Variants in SEPTIN7 observed in about 807,000 individuals in gnomAD.
The protein encoded by SEPTIN7 is septin 7.
SEPTIN7 carries 10 observed loss-of-function variants against 63.3 expected under a neutral mutation model. The ratio of observed to expected loss-of-function variants is 0.16; its 90% confidence interval spans 0.10 to 0.27. The LOEUF is 0.27. SEPTIN7 is among the 10% of genes least tolerant of loss of function. The pLI is 1.00. For synonymous variants in SEPTIN7, 131 were observed against 165.3 expected (o/e 0.79, Z 1.59); for missense variants, 310 against 521.0 (o/e 0.59, Z 3.94).
chr7:35,855,988 TG>T (rs1286432095), intron 3 of SEPTIN7, among the ~76,000 whole-genome samples: 3 of 152,254 alleles, frequency 2.0e-5, no homozygotes, highest in Non-Finnish European at 4.4e-5. Context: ...TTTAACATTT[TG>T]TTATTTATAT....
At chr7:35,845,975 TATAAC>T (rs1784645823) in intron 3 of SEPTIN7, among the ~76,000 whole-genome samples, 1 of 152,000 alleles carries the variant, frequency 6.6e-6, no homozygotes, top group Admixed American at 6.6e-5. Flanking sequence ...TTTTTTTTGA[TATAAC>T]AGATATTCAG....
chr7:35,802,227 T>C (rs1788040768), intron 1 of SEPTIN7: 2 of 337,758 alleles, frequency 5.9e-6, no homozygotes, highest in South Asian at 2.5e-5. Context: ...AACAGGCCAT[T>C]TCATTTACAT....
At chr7:35,876,175 T>A in intron 6 of SEPTIN7, among the ~76,000 whole-genome samples, 1 of 152,336 alleles carries the variant, frequency 6.6e-6, no homozygotes, top group South Asian at 2.1e-4. Context: ...AATTTCCTTG[T>A]TATGTTTATT....
intron 1 of SEPTIN7, among the ~76,000 whole-genome samples, chr7:35,806,208 T>C (rs1008487132): frequency 3.3e-5 from 5 of 152,230 alleles, no homozygotes; most frequent in Non-Finnish European, 2.9e-5. Flanking sequence ...TCCTTAACTG[T>C]CTTACTTTTT....
chr7:35,899,799 ACTTGAGCCTGG>A (rs1788200114), intron 12 of SEPTIN7: 1 of 152,228 alleles, frequency 6.6e-6, no homozygotes, highest in Admixed American at 6.6e-5. Context: ...CAGGAAGATT[ACTTGAGCCTGG>A]GAGATAGAGG....
At chr7:35,805,075 T>C (rs1788246507) in intron 1 of SEPTIN7, among the ~76,000 whole-genome samples, 1 of 152,106 alleles carries the variant, frequency 6.6e-6, no homozygotes, top group Non-Finnish European at 1.5e-5. Context: ...AGAGACGGGG[T>C]TTCACCATGT....
intron 1 of SEPTIN7, among the ~76,000 whole-genome samples, chr7:35,829,915 C>T (rs917108587): frequency 6.6e-6 from 1 of 151,866 alleles, no homozygotes; most frequent in African/African-American, 2.4e-5. Flanking sequence ...TGGCTGGGCT[C>T]GGTGGCTTAC....
chr7:35,870,166 TAC>T (rs1317221786), intron 4 of SEPTIN7, among the ~76,000 whole-genome samples: 4 of 152,214 alleles, frequency 2.6e-5, no homozygotes, highest in Non-Finnish European at 5.9e-5. Flanking sequence ...CGTGTATGGA[TAC>T]ACAGAATTTT....
At position 35,801,198 on chromosome 7, in the gene SEPTIN7, G is replaced by T. The variant is rs747287253; in HGVS notation, c.-12G>T. On this transcript the variant is annotated 5_prime_UTR_variant, in exon 1 of 14. In the 5' UTR this introduces an upstream ATG that the reference lacks. Transcript: ENST00000350320. ...GCGCTCCGCTGGGGCTGGTCGCGGA[G>T]GGGGGGAGGGGATGTCGGTCAGTGC... 16 of 1,494,526 alleles carry T rather than the reference G, an allele frequency of 1.1e-5. No homozygotes were observed. The highest frequency in any genetic ancestry group is 2.9e-5 in the East Asian group (1 of 35,072). 92.6% of individuals were successfully genotyped at this position (1,494,526 alleles called of 1,614,324 possible).
At chr7:35,910,007 T>C (rs1788712057), downstream of SEPTIN7, among the ~76,000 whole-genome samples, 1 of 152,178 alleles carries the variant, frequency 6.6e-6, no homozygotes, top group Non-Finnish European at 1.5e-5. Flanking sequence ...CCATGATGGC[T>C]CACTGACATC....
rs368585338 is a variant in SEPTIN7, at chr7:35,877,274, A to C, written c.513-2549A>C. On this transcript the variant is annotated intron_variant, in intron 6 of 13. Transcript: ENST00000350320. ...GTCAATTTTCAGGGGATTTAAGACA[A>C]GGAGAATTAGAATAGGAGGCAGCTA... Among the ~76,000 whole-genome samples, 64 of 152,284 alleles carry C rather than the reference A, an allele frequency of 4.2e-4. 1 individual carries two copies. Among genetic ancestry groups the C allele is most frequent in the African/African-American group, 1.5e-3 (63 of 41,572 alleles).
At chr7:35,865,047 T>C (rs1583585786) in intron 4 of SEPTIN7, among the ~76,000 whole-genome samples, 1 of 152,068 alleles carries the variant, frequency 6.6e-6, no homozygotes, top group African/African-American at 2.4e-5. Flanking sequence ...TGGTAACCTT[T>C]ATAGGGCTTG....
intron 1 of SEPTIN7, among the ~76,000 whole-genome samples, chr7:35,813,777 T>G (rs1242136441): frequency 1.3e-5 from 2 of 152,216 alleles, no homozygotes; most frequent in Non-Finnish European, 2.9e-5. Flanking sequence ...CTGAGAAGCT[T>G]TTACCAACCA....
At chr7:35,803,038 T>G (rs1275100813) in intron 1 of SEPTIN7, 2 of 348,566 alleles carry the variant, frequency 5.7e-6, no homozygotes, top group African/African-American at 4.4e-5. Context: ...TTACCACATC[T>G]TAGGCTTACA....
chr7:35,882,619 T>TA, intron 8 of SEPTIN7, 43 bp downstream of exon 8: 1 of 1,300,324 alleles, frequency 7.7e-7, no homozygotes, highest in Non-Finnish European at 9.9e-7. Context: ...TCTGAGGCCT[T>TA]AAAAACATAC....
intron 1 of SEPTIN7, among the ~76,000 whole-genome samples, chr7:35,821,677 C>A (rs1221276829): frequency 1.3e-5 from 2 of 152,140 alleles, no homozygotes; most frequent in Non-Finnish European, 1.5e-5. Flanking sequence ...GGTTAAATTG[C>A]CCTTTAAGTA....
At chr7:35,845,002 T>C (rs1426139726) in intron 3 of SEPTIN7, among the ~76,000 whole-genome samples, 5 of 152,076 alleles carry the variant, frequency 3.3e-5, no homozygotes, top group Admixed American at 3.3e-4. Flanking sequence ...GGTAGGAGGA[T>C]TGCTTGAGCC....
intron 1 of SEPTIN7, among the ~76,000 whole-genome samples, chr7:35,825,422 G>A (rs1339418013): frequency 1.3e-5 from 2 of 152,108 alleles, no homozygotes. Context: ...TAACTCAACT[G>A]ACTGAGACCC....
chr7:35,835,110 A>G lies in SEPTIN7; in HGVS notation c.169+2210A>G, dbSNP rs201070669. ...TGTATTCCCATATTTTCTGTCTTAAAGGAGCTTCTGATTTATATGACAAGA... is the reference window on the plus strand; with the variant it reads ...TGTATTCCCATATTTTCTGTCTTAAGGGAGCTTCTGATTTATATGACAAGA... On this transcript the variant is annotated intron_variant, in intron 3 of 13. Coordinates refer to ENST00000350320, the MANE Select transcript of SEPTIN7 (RefSeq NM_001788.6). Among the ~76,000 whole-genome samples, 6 of 152,300 alleles carry G rather than the reference A, an allele frequency of 3.9e-5. No individual in the cohort carries two copies. In the East Asian group the frequency reaches 1.2e-3, roughly 29 times the overall value.
Sources: gnomAD v4.1 joint callset for allele counts (sites outside exome capture counted in the v4.1 genomes callset) on GRCh38, gnomAD v4.1.1 for gene constraint, MANE v1.5 for transcripts, NCBI Gene and HGNC (gene_info 2026-07-23, HGNC 2026-07-21) for gene names.